Variants in PBX1 observed in about 807,000 individuals in gnomAD.
The protein encoded by PBX1 is PBX homeobox 1, also known as pre-B-cell leukemia transcription factor 1.
PBX1 carries 6 observed loss-of-function variants against 53.4 expected under a neutral mutation model. That is an observed-to-expected ratio of 0.11 (90% CI 0.06 to 0.22). The LOEUF is 0.22. Ranked by LOEUF, PBX1 falls within the 10% of genes least tolerant of loss-of-function variation. The probability of loss-of-function intolerance (pLI) is 1.00; values close to 1 mark genes in which losing one functional copy is unlikely to be tolerated. For missense variants in PBX1, 251 were observed against 551.4 expected (o/e 0.46, Z 5.46); for synonymous variants, 204 against 212.3 (o/e 0.96, Z 0.34).
chr1:164,738,968 A>G (rs949072229), intron 2 of PBX1, among the ~76,000 whole-genome samples: 1 of 152,128 alleles, frequency 6.6e-6, no homozygotes, highest in South Asian at 2.1e-4. Context: ...TATATTGTAG[A>G]CAGTATTTTT....
At chr1:164,871,021 A>G (rs556259967) in intron 2 of PBX1, among the ~76,000 whole-genome samples, 1 of 152,096 alleles carries the variant, frequency 6.6e-6, no homozygotes, top group South Asian at 2.1e-4. Flanking sequence ...TCATTATTTC[A>G]TCCTATTTAA....
At chr1:164,737,176 A>G (rs1031804978) in intron 2 of PBX1, among the ~76,000 whole-genome samples, 4 of 152,178 alleles carry the variant, frequency 2.6e-5, no homozygotes, top group Non-Finnish European at 5.9e-5. Context: ...GAAAAGCTCC[A>G]AGTACAGGCC....
intron 2 of PBX1, among the ~76,000 whole-genome samples, chr1:164,607,590 A>C (rs1369817891): frequency 6.6e-6 from 1 of 152,320 alleles, no homozygotes; most frequent in East Asian, 1.9e-4. Context: ...TATATGACTG[A>C]AGCTTCAGAG....
rs564700796 is a variant in PBX1 at position 164,566,738 on chromosome 1, A to C, written c.265+3427A>C. ...AATCACGCAAGTTTAAAAATTAGGA[A>C]AACACGAAAAATATTGAATGCCATT... On this transcript the variant is annotated intron_variant, in intron 2 of 8. Coordinates refer to ENST00000420696, the MANE Select transcript of PBX1 (RefSeq NM_002585.4). Among the ~76,000 whole-genome samples, 3 of 152,328 alleles carry C rather than the reference A, an allele frequency of 2.0e-5. No homozygotes were observed. The South Asian group carries it at 6.2e-4, about 32-fold the overall frequency.
intron 2 of PBX1, among the ~76,000 whole-genome samples, chr1:164,606,663 C>T (rs1309477828): frequency 6.6e-6 from 1 of 152,226 alleles, no homozygotes. Context: ...GGAACATAAG[C>T]TCCATGATGG....
At chr1:164,764,075 A>G (rs1183716646) in intron 2 of PBX1, among the ~76,000 whole-genome samples, 1 of 152,172 alleles carries the variant, frequency 6.6e-6, no homozygotes, top group East Asian at 1.9e-4. Flanking sequence ...CTGTCAAAAC[A>G]TTATTTCTGG....
chr1:164,569,367 T>G (rs1653669130), intron 2 of PBX1, among the ~76,000 whole-genome samples: 3 of 152,130 alleles, frequency 2.0e-5, no homozygotes, highest in Admixed American at 6.5e-5. Flanking sequence ...GTGATAGATG[T>G]AAATTACAGT....
chr1:164,683,562 A>C (rs1209210575), intron 2 of PBX1: 1 of 152,150 alleles, frequency 6.6e-6, no homozygotes, highest in Non-Finnish European at 1.5e-5. Context: ...AATGGAATCT[A>C]AGTCTTTCTT....
At chr1:164,589,185 A>G (rs1655179187) in intron 2 of PBX1, among the ~76,000 whole-genome samples, 1 of 152,010 alleles carries the variant, frequency 6.6e-6, no homozygotes, top group Admixed American at 6.6e-5. Flanking sequence ...AAAAGTTCCC[A>G]TTAACTCGCC....
At chr1:164,741,756 G>GTGTGTGTC (rs1665623306) in intron 2 of PBX1, among the ~76,000 whole-genome samples, 1 of 151,676 alleles carries the variant, frequency 6.6e-6, no homozygotes, top group Non-Finnish European at 1.5e-5. Context: ...GTGTGTGTGT[G>GTGTGTGTC]TGTGTGTGTG....
chr1:164,796,067 G>T (rs1252589557), intron 3 of PBX1, among the ~76,000 whole-genome samples: 1 of 150,900 alleles, frequency 6.6e-6, no homozygotes, highest in Non-Finnish European at 1.5e-5. Context: ...GCCCAGGCTG[G>T]AGTGCAGTGG....
chr1:164,796,019 A>ATT (rs10717463), intron 3 of PBX1, among the ~76,000 whole-genome samples: 11 of 142,638 alleles, frequency 7.7e-5, no homozygotes, highest in African/African-American at 1.8e-4. Flanking sequence ...TTTTGAAGAC[A>ATT]TTTTTTTTTT....
chr1:164,746,759 G>C (rs1392810160), intron 2 of PBX1, among the ~76,000 whole-genome samples: 1 of 152,106 alleles, frequency 6.6e-6, no homozygotes, highest in South Asian at 2.1e-4. Flanking sequence ...TTTTGATAAA[G>C]CAGTTTTATA....
intron 2 of PBX1, among the ~76,000 whole-genome samples, chr1:164,587,143 C>T (rs1159137371): frequency 6.6e-6 from 1 of 152,156 alleles, no homozygotes; most frequent in African/African-American, 2.4e-5. Context: ...ATGTAGGATG[C>T]TACAACTACT....
intron 2 of PBX1, chr1:164,774,586 AGT>A (rs1667554251): frequency 6.6e-6 from 1 of 152,200 alleles, no homozygotes; most frequent in South Asian, 2.1e-4. Context: ...TCTGTGACCA[AGT>A]GAGGGCGGAG....
intron 2 of PBX1, among the ~76,000 whole-genome samples, chr1:164,587,670 A>G (rs567311360): frequency 2.8e-4 from 42 of 152,342 alleles, no homozygotes; most frequent in Admixed American, 9.2e-4. Flanking sequence ...AGTTTCTCAG[A>G]AGATTAATGA....
At chr1:164,701,365 G>T (rs1244380010) in intron 2 of PBX1, among the ~76,000 whole-genome samples, 3 of 152,204 alleles carry the variant, frequency 2.0e-5, no homozygotes, top group Admixed American at 6.5e-5. Context: ...TCAGGGCAGT[G>T]CCACTCCAGT....
chr1:164,727,335 A>G (rs1045666580), intron 2 of PBX1, among the ~76,000 whole-genome samples: 21 of 152,204 alleles, frequency 1.4e-4, no homozygotes. Context: ...AAGTAGTTCT[A>G]TTTACCATTC....
chr1:164,564,815 G>A (rs1262134020), intron 2 of PBX1, among the ~76,000 whole-genome samples: 2 of 151,172 alleles, frequency 1.3e-5, no homozygotes, highest in African/African-American at 4.9e-5. Context: ...AAGTGTGTGT[G>A]TATATATATA....
Sources: gnomAD v4.1 joint callset for allele counts (sites outside exome capture counted in the v4.1 genomes callset) on GRCh38, gnomAD v4.1.1 for gene constraint, MANE v1.5 for transcripts, NCBI Gene and HGNC (gene_info 2026-07-23, HGNC 2026-07-21) for gene names.